FCHSD2: variants seen among roughly 807,000 people sequenced by gnomAD.
FCHSD2 encodes the protein FCH and double SH3 domains 2, also known as F-BAR and double SH3 domains protein 2.
A neutral mutation model predicts 108.1 loss-of-function variants in FCHSD2; 38 were observed. The observed-to-expected ratio is 0.35, with a 90% CI of 0.27 to 0.46. The LOEUF (loss-of-function observed/expected upper bound fraction) is 0.46. FCHSD2 is among the 20% of genes least tolerant of loss of function. FCHSD2 has a pLI of 1.00. For missense variants in FCHSD2, 751 were observed against 897.8 expected (o/e 0.84, Z 2.09); for synonymous variants, 279 against 314.7 (o/e 0.89, Z 1.20).
chr11:72,862,014 T>C (rs1861588895), intron 13 of FCHSD2, among the ~76,000 whole-genome samples: 1 of 151,322 alleles, frequency 6.6e-6, no homozygotes, highest in African/African-American at 2.4e-5. Flanking sequence ...ATCTGAATAA[T>C]CATCAATGCA....
At chr11:73,009,075 C>T (rs1277184567) in intron 4 of FCHSD2, among the ~76,000 whole-genome samples, 2 of 150,676 alleles carry the variant, frequency 1.3e-5, no homozygotes, top group Non-Finnish European at 3.0e-5. Flanking sequence ...AGTAGTGTTA[C>T]AAAAGTCTAA....
At chr11:73,024,171 A>G (rs1045087482) in intron 3 of FCHSD2, among the ~76,000 whole-genome samples, 11 of 152,160 alleles carry the variant, frequency 7.2e-5, no homozygotes, top group Non-Finnish European at 1.6e-4. Context: ...AATTAAAAAA[A>G]ATCTACCAGT....
chr11:73,067,054 A>G, intron 3 of FCHSD2, among the ~76,000 whole-genome samples: 1 of 152,212 alleles, frequency 6.6e-6, no homozygotes, highest in South Asian at 2.1e-4. Context: ...TTCCGGCACT[A>G]TTCACAATAG....
intron 8 of FCHSD2, among the ~76,000 whole-genome samples, chr11:72,969,457 G>A (rs188273904): frequency 2.6e-5 from 4 of 152,324 alleles, no homozygotes; most frequent in Admixed American, 2.0e-4. Context: ...GAGGGACAGA[G>A]ACAAAAAGAT....
intron 8 of FCHSD2, among the ~76,000 whole-genome samples, chr11:72,961,447 G>A (rs1368346347): frequency 6.6e-6 from 1 of 151,152 alleles, no homozygotes; most frequent in Non-Finnish European, 1.5e-5. Context: ...TAATAGATGG[G>A]GTCTCACTAT....
intron 12 of FCHSD2, among the ~76,000 whole-genome samples, chr11:72,874,821 T>C (rs1382476056): frequency 1.3e-5 from 2 of 152,226 alleles, no homozygotes; most frequent in Admixed American, 1.3e-4. Context: ...AACTTTCTAG[T>C]GTTTTCAAAT....
chr11:72,959,914 T>G (rs1384851103), intron 8 of FCHSD2, among the ~76,000 whole-genome samples: 1 of 150,692 alleles, frequency 6.6e-6, no homozygotes, highest in Non-Finnish European at 1.5e-5. Context: ...CCTCAGATAT[T>G]TCAATGCACT....
At chr11:73,136,415 C>T (rs2135577303) in intron 2 of FCHSD2, among the ~76,000 whole-genome samples, 1 of 152,000 alleles carries the variant, frequency 6.6e-6, no homozygotes, top group African/African-American at 2.4e-5. Context: ...CAAAAATTAG[C>T]CGCGCACCTG....
At chr11:73,040,896 T>C (rs1026392317) in intron 3 of FCHSD2, among the ~76,000 whole-genome samples, 23 of 151,546 alleles carry the variant, frequency 1.5e-4, no homozygotes, top group Admixed American at 7.9e-4. Context: ...CTCCCCCCCC[T>C]CTTTGGTAAC....
intron 8 of FCHSD2, chr11:72,940,503 T>C: frequency 1.3e-6 from 1 of 794,416 alleles, no homozygotes; most frequent in East Asian, 2.4e-5. Context: ...CCAAGATGGG[T>C]GCATACCCGC....
intron 9 of FCHSD2, among the ~76,000 whole-genome samples, chr11:72,912,129 T>C (rs1855776626): frequency 6.6e-6 from 1 of 152,218 alleles, no homozygotes; most frequent in Non-Finnish European, 1.5e-5. Context: ...CCACTTTGGA[T>C]GCTCTTTCTT....
chr11:72,967,908 G>A (rs961752024), intron 8 of FCHSD2, among the ~76,000 whole-genome samples: 2 of 151,858 alleles, frequency 1.3e-5, no homozygotes, highest in Non-Finnish European at 2.9e-5. Flanking sequence ...TGGCTAACGC[G>A]GTGAATCCCC....
intron 8 of FCHSD2, among the ~76,000 whole-genome samples, chr11:72,960,042 G>A (rs1480386000): frequency 2.0e-5 from 3 of 152,256 alleles, no homozygotes; most frequent in South Asian, 4.1e-4. Context: ...TGCTGTAAAG[G>A]AATATGTAAG....
At chr11:73,071,828 C>T (rs1859444110) in intron 3 of FCHSD2, among the ~76,000 whole-genome samples, 1 of 151,918 alleles carries the variant, frequency 6.6e-6, no homozygotes, top group East Asian at 1.9e-4. Flanking sequence ...CTACTGTATC[C>T]CTCAAAGGTT....
intron 8 of FCHSD2, among the ~76,000 whole-genome samples, chr11:72,936,481 C>G (rs1856303839): frequency 6.6e-6 from 1 of 152,124 alleles, no homozygotes; most frequent in Admixed American, 6.5e-5. Context: ...TTTTATCAAA[C>G]TCAAGAATCT....
intron 10 of FCHSD2, chr11:72,900,368 TAG>T: frequency 1.4e-6 from 2 of 1,410,224 alleles, no homozygotes; most frequent in Non-Finnish European, 2.0e-6. Flanking sequence ...AAACATAGCA[TAG>T]AGTTAGAAAT....
intron 10 of FCHSD2, among the ~76,000 whole-genome samples, chr11:72,893,814 A>G (rs1162673920): frequency 6.6e-6 from 1 of 152,192 alleles, no homozygotes; most frequent in East Asian, 1.9e-4. Flanking sequence ...CAACATTCAT[A>G]AAGTTATTAA....
intron 3 of FCHSD2, among the ~76,000 whole-genome samples, chr11:73,039,847 ATAATT>A (rs796610048): frequency 5.3e-4 from 81 of 152,324 alleles, no homozygotes; most frequent in African/African-American, 1.9e-3. Flanking sequence ...CAATTAATTT[ATAATT>A]TATAGAATAA....
At chr11:73,106,299 G>A (rs1324965468) in intron 2 of FCHSD2, among the ~76,000 whole-genome samples, 1 of 151,546 alleles carries the variant, frequency 6.6e-6, no homozygotes, top group Non-Finnish European at 1.5e-5. Flanking sequence ...CCCAGCATTC[G>A]GGAGGCTAAG....
Sources: gnomAD v4.1 joint callset for allele counts (sites outside exome capture counted in the v4.1 genomes callset) on GRCh38, gnomAD v4.1.1 for gene constraint, MANE v1.5 for transcripts, NCBI Gene and HGNC (gene_info 2026-07-23, HGNC 2026-07-21) for gene names.